The following CDK14 variants were observed in gnomAD, a reference collection of about 807,000 sequenced individuals.
CDK14 encodes cyclin dependent kinase 14.
In CDK14, 34 loss-of-function variants were observed where a neutral mutation model predicts 60.7. That is an observed-to-expected ratio of 0.56 (90% CI 0.43 to 0.75). The LOEUF is 0.75. Ranked by LOEUF, CDK14 falls within the 30% of genes least tolerant of loss-of-function variation. The probability of loss-of-function intolerance (pLI) is 0.00; values close to 1 mark genes in which losing one functional copy is unlikely to be tolerated. For missense variants in CDK14, 482 were observed against 564.1 expected, an observed-to-expected ratio of 0.85 and a Z score of 1.47; for synonymous variants, 197 against 203.7, an observed-to-expected ratio of 0.97 and a Z score of 0.28.
At chr7:90,763,741 C>G (rs949418519) in intron 4 of CDK14, among the ~76,000 whole-genome samples, 3 of 151,994 alleles carry the variant, frequency 2.0e-5, no homozygotes, top group African/African-American at 7.2e-5. Flanking sequence ...GTGCAGCAAA[C>G]CAACACAGCA....
intron 9 of CDK14, 116 bp downstream of exon 9, chr7:90,955,933 G>C: frequency 8.2e-7 from 1 of 1,212,176 alleles, no homozygotes; most frequent in Non-Finnish European, 1.2e-6. Context: ...GTGTTTGCCT[G>C]CATGTGGCCA....
At chr7:90,614,209 T>C (rs1799604670) in intron 2 of CDK14, among the ~76,000 whole-genome samples, 1 of 152,134 alleles carries the variant, frequency 6.6e-6, no homozygotes, top group Non-Finnish European at 1.5e-5. Context: ...TTCACTGTGT[T>C]GGTCAGGCTG....
At chr7:90,729,962 A>G (rs1441820518) in intron 3 of CDK14, among the ~76,000 whole-genome samples, 1 of 151,984 alleles carries the variant, frequency 6.6e-6, no homozygotes, top group Non-Finnish European at 1.5e-5. Context: ...GCCATGGTGG[A>G]TTGCTGCACT....
intron 6 of CDK14, among the ~76,000 whole-genome samples, chr7:90,871,038 A>C (rs991860864): frequency 3.3e-5 from 5 of 152,190 alleles, no homozygotes; most frequent in African/African-American, 9.6e-5. Context: ...CAATGAATTG[A>C]CATCATCATG....
At chr7:90,967,771 A>G (rs1177988337) in intron 9 of CDK14, among the ~76,000 whole-genome samples, 2 of 152,240 alleles carry the variant, frequency 1.3e-5, no homozygotes, top group African/African-American at 2.4e-5. Context: ...AAAACCAGCA[A>G]AAGTAGTTAG....
At chr7:90,839,669 C>T (rs1415851385) in intron 5 of CDK14, among the ~76,000 whole-genome samples, 1 of 152,206 alleles carries the variant, frequency 6.6e-6, no homozygotes, top group African/African-American at 2.4e-5. Context: ...TTTCACACTT[C>T]TTCCAAATGG....
At chr7:91,158,088 A>G (rs1801040138) in intron 14 of CDK14, among the ~76,000 whole-genome samples, 1 of 144,876 alleles carries the variant, frequency 6.9e-6, no homozygotes, top group South Asian at 2.1e-4. Context: ...AATTATATAC[A>G]TTAAATATAT....
At chr7:91,033,015 A>G (rs1796807933) in intron 10 of CDK14, among the ~76,000 whole-genome samples, 3 of 152,242 alleles carry the variant, frequency 2.0e-5, no homozygotes, top group Admixed American at 1.3e-4. Context: ...ATCAGCACAC[A>G]TTACAGAACA....
At chr7:91,057,290 A>C (rs1048811687) in intron 11 of CDK14, among the ~76,000 whole-genome samples, 6 of 152,206 alleles carry the variant, frequency 3.9e-5, no homozygotes, top group African/African-American at 9.6e-5. Flanking sequence ...AGTTCATTGT[A>C]GATTCTGGAT....
rs1554431005 is a variant in CDK14, at chr7:90,668,696, A to ATTATTTTT, written c.124-57869_124-57868insATTTTTTT. The stretch of plus-strand genomic sequence containing the variant: ...TTATATGGTGTAAGGAAGGACTCGC[A>ATTATTTTT]TTCTTTTTTTTTTTTTTTTTTTTTT... On this transcript the variant is annotated intron_variant, in intron 2 of 14. Transcript: ENST00000380050. Among the ~76,000 whole-genome samples the ATTATTTTT allele has an allele frequency of 1.5e-3, 106 of 68,408 alleles. 4 individuals are homozygous for ATTATTTTT. Among genetic ancestry groups the ATTATTTTT allele is most frequent in the Non-Finnish European group, 2.2e-3 (81 of 36,782 alleles). 44.9% of individuals were successfully genotyped at this position (68,408 alleles called of 152,430 possible).
intron 2 of CDK14, among the ~76,000 whole-genome samples, chr7:90,649,306 T>TTCTTTCTC (rs1800550384): frequency 1.7e-5 from 1 of 59,220 alleles, no homozygotes; most frequent in Admixed American, 2.1e-4. Flanking sequence ...CTTTCTTTCT[T>TTCTTTCTC]TCTTTCCTTC....
chr7:90,704,514 G>A (rs987428718), intron 2 of CDK14, among the ~76,000 whole-genome samples: 1 of 152,094 alleles, frequency 6.6e-6, no homozygotes, highest in Non-Finnish European at 1.5e-5. Context: ...GTTTTGAATG[G>A]TCTTCCTCAA....
At chr7:90,927,722 T>C (rs1366575064) in intron 8 of CDK14, among the ~76,000 whole-genome samples, 2 of 152,206 alleles carry the variant, frequency 1.3e-5, no homozygotes, top group African/African-American at 2.4e-5. Context: ...AGTATCTTTG[T>C]GGCATTCTCT....
intron 5 of CDK14, among the ~76,000 whole-genome samples, chr7:90,808,324 G>C (rs1279436773): frequency 2.6e-5 from 4 of 152,176 alleles, no homozygotes; most frequent in Non-Finnish European, 5.9e-5. Flanking sequence ...CATTCTTAAA[G>C]AAAAGAATTT....
At chr7:91,018,893 A>G (rs1194305115) in intron 10 of CDK14, among the ~76,000 whole-genome samples, 2 of 152,184 alleles carry the variant, frequency 1.3e-5, no homozygotes, top group Non-Finnish European at 2.9e-5. Flanking sequence ...GTATTTCTTT[A>G]TAGCAGTGTG....
intron 11 of CDK14, among the ~76,000 whole-genome samples, chr7:91,064,326 GACTAGGAGCACAGACTCCAGATCT>G (rs1434238997): frequency 1.7e-5 from 2 of 116,126 alleles, no homozygotes; most frequent in Non-Finnish European, 3.8e-5. Context: ...ATGGTATAGT[GACTAGGAGCACAGACTCCAGATCT>G]ACACTGTCTA....
chr7:90,698,534 T>C (rs1022087378), intron 2 of CDK14, among the ~76,000 whole-genome samples: 5 of 152,238 alleles, frequency 3.3e-5, no homozygotes, highest in African/African-American at 9.6e-5. Flanking sequence ...GTGTATATTT[T>C]GAAAGATGAT....
intron 14 of CDK14, among the ~76,000 whole-genome samples, chr7:91,167,618 A>G (rs1228017714): frequency 1.3e-5 from 2 of 152,174 alleles, no homozygotes; most frequent in Non-Finnish European, 2.9e-5. Flanking sequence ...TCAACCTGGT[A>G]TCTTCATTTT....
At chr7:90,769,773 G>A (rs1344966541) in intron 4 of CDK14, among the ~76,000 whole-genome samples, 1 of 152,100 alleles carries the variant, frequency 6.6e-6, no homozygotes, top group Non-Finnish European at 1.5e-5. Flanking sequence ...GGCTGACTTA[G>A]GTGATTGCTT....
Sources: allele counts gnomAD v4.1 joint callset (sites outside exome capture counted in the v4.1 genomes callset), GRCh38; gene constraint gnomAD v4.1.1; transcripts MANE v1.5; gene names NCBI Gene and HGNC (gene_info 2026-07-23, HGNC 2026-07-21).